Variants in CYP7B1 observed in about 807,000 individuals in gnomAD.
CYP7B1 encodes the protein cytochrome P450 7B1.
In CYP7B1, 29 loss-of-function variants were observed where a neutral mutation model predicts 42.7. The observed-to-expected ratio is 0.68, with a 90% CI of 0.51 to 0.93. The LOEUF is 0.93. CYP7B1 is among the 40% of genes least tolerant of loss of function. The pLI is 0.00. For synonymous variants in CYP7B1, 235 were observed against 218.2 expected, an observed-to-expected ratio of 1.08 and a Z score of -0.68; for missense variants, 655 against 600.5, an observed-to-expected ratio of 1.09 and a Z score of -0.95.
At chr8:64,744,733 T>C (rs1807618416) in intron 1 of CYP7B1, among the ~76,000 whole-genome samples, 1 of 152,208 alleles carries the variant, frequency 6.6e-6, no homozygotes, top group African/African-American at 2.4e-5. Flanking sequence ...TGGTTTTCAC[T>C]GCAATATAAA....
At chr8:64,727,970 T>A (rs185655916) in intron 1 of CYP7B1, 3 of 152,344 alleles carry the variant, frequency 2.0e-5, no homozygotes, top group African/African-American at 4.8e-5. Flanking sequence ...TATCTCTTCA[T>A]CCTCTCATTC....
chr8:64,701,812 G>A (rs764651313), intron 1 of CYP7B1, among the ~76,000 whole-genome samples: 5 of 151,936 alleles, frequency 3.3e-5, no homozygotes, highest in East Asian at 3.9e-4. Context: ...AACTCAAGCT[G>A]ATCACAGGCT....
At position 64,658,904 on chromosome 8, in the gene CYP7B1, T is replaced by C. The variant is rs113253463; in HGVS notation, c.123-34365A>G. Among the ~76,000 whole-genome samples, 504 of 152,266 alleles carry C rather than the reference T, an allele frequency of 3.3e-3. 8 individuals carry two copies. The highest frequency in any genetic ancestry group is 0.012 in the African/African-American group (492 of 41,554). On this transcript the variant is annotated intron_variant, in intron 1 of 5. Coordinates refer to ENST00000310193, the MANE Select transcript of CYP7B1 (RefSeq NM_004820.5). ...CTAATTTTACACACAGGTTTATCAGTAGGAGACAAGGAAGCAACACAACTG... is the reference window on the plus strand; with the variant it reads ...CTAATTTTACACACAGGTTTATCAGCAGGAGACAAGGAAGCAACACAACTG...
At chr8:64,777,304 C>A (rs1804343631) in intron 1 of CYP7B1, among the ~76,000 whole-genome samples, 1 of 151,976 alleles carries the variant, frequency 6.6e-6, no homozygotes, top group South Asian at 2.1e-4. Flanking sequence ...GAGCTGCTAC[C>A]CAGAAATTTC....
chr8:64,665,644 T>G (rs1191150902), intron 1 of CYP7B1, among the ~76,000 whole-genome samples: 1 of 124,020 alleles, frequency 8.1e-6, no homozygotes, highest in African/African-American at 3.0e-5. Context: ...TGGCGCAATC[T>G]CAGCTCACCA....
rs1805125722 is a variant in CYP7B1 at position 64,596,842 on chromosome 8, G to A, written c.1321C>T (p.Pro441Ser). The A allele has an allele frequency of 1.2e-6, 2 of 1,613,884 alleles. No homozygotes were observed. The highest frequency in any genetic ancestry group is 1.7e-6 in the Non-Finnish European group (2 of 1,179,936). Residue 441 changes from proline (P) to serine (S), a missense_variant, in exon 6 of 6, where the codon CCG becomes TCG. Physicochemically the swap from Pro to Ser is moderately conservative, Grantham distance 74. Transcript: ENST00000310193. Reference sequence around the variant, plus strand: ...CATTTGCTGGTTCCAGTTCCAAACGGCATTAGGTAACACTTCAGCTTTTTC... The same window carrying A: ...CATTTGCTGGTTCCAGTTCCAAACGACATTAGGTAACACTTCAGCTTTTTC... ...RGKKLKCYLM[P>S]FGTGTSKCPG...
rs1037017678 is a variant in CYP7B1, at chr8:64,672,305, G to A, written c.123-47766C>T. On this transcript the variant is annotated intron_variant, in intron 1 of 5. Transcript: ENST00000310193. ...ACTTGATTAATGAATGGAGGTGACC[G>A]ATTAAGGTGTTTAAGGTATGCAATT... 3.9e-5 allele frequency among the ~76,000 whole-genome samples: 6 copies of A among 152,094 alleles called. No homozygotes were observed. In the East Asian group the frequency reaches 7.7e-4, roughly 20 times the overall value.
At chr8:64,735,059 A>G (rs1222909080) in intron 1 of CYP7B1, among the ~76,000 whole-genome samples, 1 of 152,190 alleles carries the variant, frequency 6.6e-6, no homozygotes, top group African/African-American at 2.4e-5. Context: ...ACCATGGACC[A>G]GTACTGGGTC....
chr8:64,714,052 A>AT (rs1807119365), intron 1 of CYP7B1, among the ~76,000 whole-genome samples: 1 of 152,202 alleles, frequency 6.6e-6, no homozygotes, highest in Non-Finnish European at 1.5e-5. Flanking sequence ...TCCCAGAAAG[A>AT]TTAGGTGTTG....
At chr8:64,609,665 T>A (rs1361270410) in intron 4 of CYP7B1, among the ~76,000 whole-genome samples, 2 of 152,190 alleles carry the variant, frequency 1.3e-5, no homozygotes, top group Non-Finnish European at 2.9e-5. Flanking sequence ...TTAATTTATG[T>A]CCCTAGACAC....
At chr8:64,626,470 T>C (rs572988839) in intron 1 of CYP7B1, among the ~76,000 whole-genome samples, 1 of 152,220 alleles carries the variant, frequency 6.6e-6, no homozygotes, top group Non-Finnish European at 1.5e-5. Context: ...ATCTCCATAT[T>C]ATGTATTTGA....
At chr8:64,695,909 T>C (rs553281454) in intron 1 of CYP7B1, among the ~76,000 whole-genome samples, 2 of 152,308 alleles carry the variant, frequency 1.3e-5, no homozygotes, top group East Asian at 3.9e-4. Context: ...TTCAAGTACT[T>C]CAAATGATGT....
At chr8:64,758,325 G>A (rs1807837067) in intron 1 of CYP7B1, among the ~76,000 whole-genome samples, 1 of 152,106 alleles carries the variant, frequency 6.6e-6, no homozygotes, top group African/African-American at 2.4e-5. Flanking sequence ...CTCCACTGCT[G>A]CAGACAATCT....
intron 1 of CYP7B1, among the ~76,000 whole-genome samples, chr8:64,680,932 T>C (rs1397461907): frequency 6.6e-6 from 1 of 152,166 alleles, no homozygotes; most frequent in Non-Finnish European, 1.5e-5. Context: ...ACTCTATCTG[T>C]AAATGCTTCT....
intron 1 of CYP7B1, among the ~76,000 whole-genome samples, chr8:64,688,445 T>C (rs1806689870): frequency 1.3e-5 from 2 of 151,928 alleles, no homozygotes; most frequent in South Asian, 4.2e-4. Context: ...AACATTTATT[T>C]AATATAGACT....
intron 1 of CYP7B1, among the ~76,000 whole-genome samples, chr8:64,668,992 C>T (rs995184587): frequency 2.0e-5 from 3 of 152,044 alleles, no homozygotes; most frequent in Non-Finnish European, 2.9e-5. Flanking sequence ...GACAGCATAA[C>T]GGTAACTCTG....
intron 1 of CYP7B1, among the ~76,000 whole-genome samples, chr8:64,638,105 G>A (rs1167902217): frequency 1.3e-5 from 2 of 151,886 alleles, no homozygotes; most frequent in East Asian, 3.9e-4. Flanking sequence ...ATTTTTCTAA[G>A]ACTATTAAAC....
intron 2 of CYP7B1, among the ~76,000 whole-genome samples, chr8:64,618,590 T>TCTCTCTTTC (rs1805482620): frequency 2.6e-5 from 1 of 38,890 alleles, no homozygotes; most frequent in African/African-American, 9.8e-5. Flanking sequence ...CTCTCTCTCT[T>TCTCTCTTTC]TCTCTCTCTC....
At chr8:64,706,017 C>A (rs1394581540) in intron 1 of CYP7B1, among the ~76,000 whole-genome samples, 3 of 151,896 alleles carry the variant, frequency 2.0e-5, no homozygotes, top group African/African-American at 7.2e-5. Context: ...CTAAACTGAG[C>A]CTTAATTTTT....
Sources: gnomAD v4.1 joint callset for allele counts (sites outside exome capture counted in the v4.1 genomes callset) on GRCh38, gnomAD v4.1.1 for gene constraint, MANE v1.5 for transcripts, NCBI Gene and HGNC (gene_info 2026-07-23, HGNC 2026-07-21) for gene names.